The following TAFA4 variants were observed in gnomAD, a reference collection of about 807,000 sequenced individuals.
TAFA4 encodes the protein chemokine-like protein TAFA-4.
Under a neutral mutation model 21.1 loss-of-function variants are expected in TAFA4, and 20 were observed. The observed-to-expected ratio is 0.95, with a 90% CI of 0.67 to 1.38. The LOEUF (loss-of-function observed/expected upper bound fraction) is 1.38. TAFA4 is among the 40% of genes most tolerant of loss of function. The probability of loss-of-function intolerance (pLI) is 0.00; values close to 1 mark genes in which losing one functional copy is unlikely to be tolerated. For synonymous variants in TAFA4, 71 were observed against 67.4 expected, an observed-to-expected ratio of 1.05 and a Z score of -0.26; for missense variants, 211 against 180.9, an observed-to-expected ratio of 1.17 and a Z score of -0.95.
intron 3 of TAFA4, among the ~76,000 whole-genome samples, chr3:68,880,080 A>C (rs77786940): frequency 3.5e-5 from 5 of 141,812 alleles, no homozygotes; most frequent in Admixed American, 7.1e-5. Flanking sequence ...CACACACACA[A>C]ACACACAAAC....
intron 3 of TAFA4, among the ~76,000 whole-genome samples, chr3:68,802,765 A>G (rs1355198685): frequency 6.6e-6 from 1 of 152,222 alleles, no homozygotes; most frequent in Non-Finnish European, 1.5e-5. Context: ...TAACATTTCT[A>G]AGCATAGAAC....
intron 5 of TAFA4, among the ~76,000 whole-genome samples, chr3:68,737,549 C>T (rs1310852079): frequency 6.6e-6 from 1 of 152,144 alleles, no homozygotes; most frequent in Non-Finnish European, 1.5e-5. Flanking sequence ...AATCAACCGA[C>T]AACTATTCCA....
At chr3:68,758,200 A>T (rs908395356) in intron 3 of TAFA4, among the ~76,000 whole-genome samples, 1 of 152,220 alleles carries the variant, frequency 6.6e-6, no homozygotes, top group Admixed American at 6.5e-5. Flanking sequence ...CCCACTGACA[A>T]CATCTTTTTC....
intron 1 of TAFA4, among the ~76,000 whole-genome samples, chr3:68,923,563 T>G (rs796070929): frequency 6.6e-6 from 1 of 152,184 alleles, no homozygotes; most frequent in South Asian, 2.1e-4. Flanking sequence ...TGATTATCAA[T>G]TGACAAAGGA....
At chr3:68,734,745 A>G (rs974210190) in intron 5 of TAFA4, among the ~76,000 whole-genome samples, 1 of 152,088 alleles carries the variant, frequency 6.6e-6, no homozygotes, top group African/African-American at 2.4e-5. Context: ...TGCCCCCGTC[A>G]AAGAGTAAAT....
chr3:68,890,829 T>A (rs1198540176), intron 1 of TAFA4, among the ~76,000 whole-genome samples: 1 of 152,228 alleles, frequency 6.6e-6, no homozygotes, highest in Admixed American at 6.5e-5. Flanking sequence ...ACATTAAAAA[T>A]TCTGTCTGTG....
chr3:68,805,830 A>G (rs1703685441), intron 3 of TAFA4, among the ~76,000 whole-genome samples: 1 of 152,124 alleles, frequency 6.6e-6, no homozygotes, highest in Non-Finnish European at 1.5e-5. Flanking sequence ...AGAGGGGGAT[A>G]GTATTAGGAG....
chr3:68,813,248 C>T (rs1336875509), intron 3 of TAFA4, among the ~76,000 whole-genome samples: 1 of 152,058 alleles, frequency 6.6e-6, no homozygotes, highest in African/African-American at 2.4e-5. Context: ...GACACCCTAA[C>T]ATCACAATTA....
chr3:68,777,153 T>A (rs1703063711), intron 3 of TAFA4, among the ~76,000 whole-genome samples: 1 of 152,158 alleles, frequency 6.6e-6, no homozygotes, highest in Non-Finnish European at 1.5e-5. Context: ...GATTTTTTCT[T>A]ATTTTTAATC....
intron 2 of TAFA4, 43 bp downstream of exon 2, chr3:68,885,132 T>C (rs17048099): frequency 0.061 from 97,098 of 1,600,238 alleles, 4,133 homozygotes; most frequent in Admixed American, 0.2. Context: ...TCTCAATACT[T>C]TGTAAAGATA....
At chr3:68,803,071 T>G (rs1376707392) in intron 3 of TAFA4, among the ~76,000 whole-genome samples, 1 of 152,186 alleles carries the variant, frequency 6.6e-6, no homozygotes, top group Non-Finnish European at 1.5e-5. Context: ...CCATCCAAAA[T>G]GATCTCTACT....
At position 68,880,769 on chromosome 3, in the gene TAFA4, G is replaced by A; in HGVS notation, c.91C>T (p.Leu31=). The A allele has an allele frequency of 6.2e-7, 1 of 1,613,940 alleles. No individual in the cohort carries two copies. ...LAYVLMVCCK[L]MSASSQHLRG... ...AGGTGCTGGCTTGAGGCGGACATCA[G>A]CTTACAGCACACCATTAACACGTAG... Residue 31 remains leucine, a synonymous_variant, in exon 3 of 6, where the codon CTG becomes TTG. Coordinates refer to ENST00000295569, the MANE Select transcript of TAFA4 (RefSeq NM_182522.5).
chr3:68,759,620 C>T (rs1168516686), intron 3 of TAFA4, among the ~76,000 whole-genome samples: 4 of 152,110 alleles, frequency 2.6e-5, no homozygotes, highest in Non-Finnish European at 5.9e-5. Flanking sequence ...GTGTGGCGAT[C>T]CATCTTGAAA....
intron 3 of TAFA4, among the ~76,000 whole-genome samples, chr3:68,798,228 G>A (rs751010313): frequency 1.2e-4 from 19 of 152,282 alleles, no homozygotes; most frequent in Admixed American, 3.9e-4. Context: ...CAGCTGGTGT[G>A]TACAAAGGTG....
intron 5 of TAFA4, among the ~76,000 whole-genome samples, chr3:68,734,946 G>C (rs927164934): frequency 6.6e-6 from 1 of 152,050 alleles, no homozygotes. Context: ...ACTGAAGTTG[G>C]ATGATAAAAT....
chr3:68,790,363 G>T (rs1703340122), intron 3 of TAFA4, among the ~76,000 whole-genome samples: 1 of 151,872 alleles, frequency 6.6e-6, no homozygotes, highest in African/African-American at 2.4e-5. Context: ...GCAGGAAATG[G>T]GAACAAAGAA....
chr3:68,851,713 G>C (rs1251076122), intron 3 of TAFA4, among the ~76,000 whole-genome samples: 1 of 152,124 alleles, frequency 6.6e-6, no homozygotes, highest in East Asian at 1.9e-4. Flanking sequence ...AATAGGATTA[G>C]AAACTAGAAT....
rs200919429 is a variant in TAFA4, at chr3:68,758,905, T to TCC, written c.131-5888_131-5887insGG. Reference sequence around the variant, plus strand: ...GTATACATGGAGAAAAAGAGAAGTATTTTAAGGAATTGTCCCATGCAATTA... The same window carrying TCC: ...GTATACATGGAGAAAAAGAGAAGTATCCTTTAAGGAATTGTCCCATGCAATTA... On this transcript the variant is annotated intron_variant, in intron 3 of 5. Coordinates refer to ENST00000295569, the MANE Select transcript of TAFA4 (RefSeq NM_182522.5). Among the ~76,000 whole-genome samples the TCC allele has an allele frequency of 5.4e-3, 816 of 152,270 alleles. 3 individuals carry two copies. The highest frequency in any genetic ancestry group is 0.02 in the Middle Eastern group (6 of 294).
chr3:68,879,619 T>C (rs920948869), intron 3 of TAFA4, among the ~76,000 whole-genome samples: 1 of 152,212 alleles, frequency 6.6e-6, no homozygotes, highest in Non-Finnish European at 1.5e-5. Flanking sequence ...TATGCTGATT[T>C]GCTGAAACTT....
Sources: gnomAD v4.1 joint callset for allele counts (sites outside exome capture counted in the v4.1 genomes callset) on GRCh38, gnomAD v4.1.1 for gene constraint, MANE v1.5 for transcripts, NCBI Gene and HGNC (gene_info 2026-07-23, HGNC 2026-07-21) for gene names.